The following MBOAT2 variants were observed in gnomAD, a reference collection of about 807,000 sequenced individuals.
MBOAT2 encodes membrane-bound glycerophospholipid O-acyltransferase 2.
A neutral mutation model predicts 63.4 loss-of-function variants in MBOAT2; 28 were observed. That is an observed-to-expected ratio of 0.44 (90% CI 0.33 to 0.61). The LOEUF (loss-of-function observed/expected upper bound fraction) is 0.61, where lower values mean the gene tolerates loss of function less well. Among genes scored for constraint, MBOAT2 ranks in the 20% least tolerant of loss-of-function variants. The probability of loss-of-function intolerance (pLI) is 0.03; values close to 1 mark genes in which losing one functional copy is unlikely to be tolerated. For missense variants in MBOAT2, 470 were observed against 605.8 expected, an observed-to-expected ratio of 0.78 and a Z score of 2.35; for synonymous variants, 211 against 215.6, an observed-to-expected ratio of 0.98 and a Z score of 0.19.
rs1340168000 is a variant in MBOAT2, at chr2:8,858,734, T to C, written c.1508A>G (p.Asn503Ser). 2.5e-6 allele frequency: 4 copies of C among 1,613,864 alleles called. No homozygotes were observed. The highest frequency in any genetic ancestry group is 1.3e-5 in the African/African-American group (1 of 75,042). The change falls in exon 13 of 13, where the codon AAT (asparagine) becomes AGT (serine). Residue 503 changes from asparagine to serine, a missense_variant. Asn to Ser is a conservative substitution (Grantham distance 46). This residue lies in a region of MBOAT2 where 90 missense variants were observed against 84.9 expected (regional missense o/e 1.06). Coordinates refer to ENST00000305997, the MANE Select transcript of MBOAT2 (RefSeq NM_138799.4). Reference sequence around the variant, plus strand: ...TATTTCTTGATTCTGATTGCAAACATTGTTTGTTGTAGAAAAACTGTTCTG... The same window carrying C: ...TATTTCTTGATTCTGATTGCAAACACTGTTTGTTGTAGAAAAACTGTTCTG... ...LGQNSFSTTN[N>S]VCNQNQEIAS...
At chr2:8,929,872 A>T (rs1211488165) in intron 3 of MBOAT2, among the ~76,000 whole-genome samples, 1 of 152,178 alleles carries the variant, frequency 6.6e-6, no homozygotes, top group Non-Finnish European at 1.5e-5. Flanking sequence ...GATGAATAAT[A>T]TTGAACACAT....
chr2:8,924,680 A>AC (rs1199833543), intron 3 of MBOAT2, among the ~76,000 whole-genome samples: 1 of 150,466 alleles, frequency 6.6e-6, no homozygotes, highest in East Asian at 1.9e-4. Context: ...AATGAACCAA[A>AC]CCCCCACCCA....
intron 3 of MBOAT2, among the ~76,000 whole-genome samples, chr2:8,927,953 C>T (rs1667050783): frequency 6.6e-6 from 1 of 152,106 alleles, no homozygotes; most frequent in South Asian, 2.1e-4. Flanking sequence ...ATACGCTTGG[C>T]TTCTGGGGAG....
intron 3 of MBOAT2, among the ~76,000 whole-genome samples, chr2:8,931,664 C>T (rs1275358101): frequency 6.6e-6 from 1 of 152,118 alleles, no homozygotes; most frequent in African/African-American, 2.4e-5. Context: ...TTTGCCCATG[C>T]CTATGTCCTT....
At chr2:8,946,358 TTAAA>T (rs1263740628) in intron 2 of MBOAT2, among the ~76,000 whole-genome samples, 1 of 152,202 alleles carries the variant, frequency 6.6e-6, no homozygotes, top group African/African-American at 2.4e-5. Flanking sequence ...TCAAGGACAT[TTAAA>T]TAAATAATTA....
chr2:8,968,545 T>C (rs1019582758), intron 1 of MBOAT2, among the ~76,000 whole-genome samples: 6 of 152,026 alleles, frequency 3.9e-5, no homozygotes, highest in African/African-American at 1.4e-4. Flanking sequence ...CTTTGACGAG[T>C]TGAGAGAAGA....
At chr2:8,957,601 C>T (rs895993067) in intron 2 of MBOAT2, among the ~76,000 whole-genome samples, 3 of 151,958 alleles carry the variant, frequency 2.0e-5, no homozygotes, top group Non-Finnish European at 4.4e-5. Context: ...ATCAAAGTCC[C>T]AGAGATTCTA....
At chr2:8,875,570 G>A (rs986129708) in intron 7 of MBOAT2, among the ~76,000 whole-genome samples, 8 of 152,194 alleles carry the variant, frequency 5.3e-5, no homozygotes, top group Admixed American at 1.3e-4. Flanking sequence ...TTGCAGACAA[G>A]GACTCATACA....
intron 3 of MBOAT2, among the ~76,000 whole-genome samples, chr2:8,942,428 C>T (rs1341465350): frequency 6.6e-6 from 1 of 152,130 alleles, no homozygotes; most frequent in Non-Finnish European, 1.5e-5. Context: ...ACATTTTATC[C>T]ATCTGTATTC....
chr2:8,981,265 T>C (rs1671174418), intron 1 of MBOAT2, among the ~76,000 whole-genome samples: 1 of 152,218 alleles, frequency 6.6e-6, no homozygotes, highest in Non-Finnish European at 1.5e-5. Flanking sequence ...GATAGTTGCA[T>C]GGCTCTGAGT....
At position 8,864,165 on chromosome 2, in the gene MBOAT2, C is replaced by A; in HGVS notation, c.1052+5G>T. On this transcript the variant is annotated splice_donor_5th_base_variant and intron_variant, in intron 10 of 12. Coordinates refer to ENST00000305997, the MANE Select transcript of MBOAT2 (RefSeq NM_138799.4). ...CATCTAAAGATCGTTTTTGAAGGAA[C>A]GCACCTTTTGAGCCAAAGAGCTGTC... 1 of 1,573,226 alleles carries A rather than the reference C, an allele frequency of 6.4e-7. No homozygotes were observed. The highest frequency in any genetic ancestry group is 8.6e-7 in the Non-Finnish European group (1 of 1,163,244).
At chr2:8,983,031 G>A (rs549987076) in intron 1 of MBOAT2, among the ~76,000 whole-genome samples, 95 of 152,198 alleles carry the variant, frequency 6.2e-4, no homozygotes, top group South Asian at 4.6e-3. Context: ...ACAACTATCC[G>A]CAGTCAGAGA....
intron 1 of MBOAT2, among the ~76,000 whole-genome samples, chr2:9,002,941 G>A (rs529085400): frequency 2.6e-5 from 4 of 152,168 alleles, no homozygotes; most frequent in Non-Finnish European, 5.9e-5. Flanking sequence ...CCCACAAACT[G>A]TTGCCTCTGT....
chr2:8,857,090 A>ATGGT lies in MBOAT2; in HGVS notation c.*1585_*1588dup, dbSNP rs1388821316. 4 of 152,624 alleles carry ATGGT rather than the reference A, an allele frequency of 2.6e-5. No homozygotes were observed. Among genetic ancestry groups the ATGGT allele is most frequent in the African/African-American group, 4.8e-5 (2 of 41,444 alleles). 9.5% of individuals were successfully genotyped at this position (152,624 alleles called of 1,614,324 possible). On this transcript the variant is annotated 3_prime_UTR_variant, in exon 13 of 13. Transcript: ENST00000305997. Reference sequence around the variant, plus strand: ...TGAAGTATTATATAGCATAAGCCAGATGGTTGCCTTGTCTTTAACTTCATT... The same window carrying ATGGT: ...TGAAGTATTATATAGCATAAGCCAGATGGTTGGTTGCCTTGTCTTTAACTTCATT...
At chr2:8,904,518 C>T (rs1341745568) in intron 4 of MBOAT2, among the ~76,000 whole-genome samples, 1 of 151,796 alleles carries the variant, frequency 6.6e-6, no homozygotes, top group Non-Finnish European at 1.5e-5. Context: ...ACCATGTTGC[C>T]CAGGCTGCTC....
At position 8,962,114 on chromosome 2, in the gene MBOAT2, C is replaced by A. The variant is rs550796869; in HGVS notation, c.76-3472G>T. Among the ~76,000 whole-genome samples, 60 of 152,334 alleles carry A rather than the reference C, an allele frequency of 3.9e-4. 1 individual carries two copies. The South Asian group carries it at 0.012, about 31-fold the overall frequency. ...GCACCTGCTCCTCAGAGGACCCAAG[C>A]TGACACAACACTCTAAGCACCTTAC... On this transcript the variant is annotated intron_variant, in intron 1 of 12. Coordinates refer to ENST00000305997, the MANE Select transcript of MBOAT2 (RefSeq NM_138799.4).
At chr2:8,954,292 GCGT>G (rs1168146814) in intron 2 of MBOAT2, among the ~76,000 whole-genome samples, 4 of 152,150 alleles carry the variant, frequency 2.6e-5, no homozygotes, top group Non-Finnish European at 5.9e-5. Flanking sequence ...CAACATAGCT[GCGT>G]ATATACTTGA....
intron 1 of MBOAT2, among the ~76,000 whole-genome samples, chr2:8,969,103 G>A (rs1484697753): frequency 6.6e-6 from 1 of 152,172 alleles, no homozygotes; most frequent in Admixed American, 6.5e-5. Context: ...AGGAAAAAAT[G>A]TTAAGGGCAG....
At chr2:8,867,920 T>C (rs1457958774) in intron 9 of MBOAT2, among the ~76,000 whole-genome samples, 1 of 152,144 alleles carries the variant, frequency 6.6e-6, no homozygotes, top group Admixed American at 6.5e-5. Context: ...ATAAGAAAGA[T>C]CAAAACTCTT....
Sources: allele counts gnomAD v4.1 joint callset (sites outside exome capture counted in the v4.1 genomes callset), GRCh38; gene constraint gnomAD v4.1.1; regional missense constraint gnomAD v4.1.1; transcripts MANE v1.5; gene names NCBI Gene and HGNC (gene_info 2026-07-23, HGNC 2026-07-21).